TAFA4: variants seen among roughly 807,000 people sequenced by gnomAD.
TAFA4 encodes chemokine-like protein TAFA-4.
Under a neutral mutation model 21.1 loss-of-function variants are expected in TAFA4, and 20 were observed. The ratio of observed to expected loss-of-function variants is 0.95; its 90% CI spans 0.67 to 1.38. The LOEUF is 1.38. TAFA4 is among the 40% of genes most tolerant of loss of function. The pLI is 0.00. For synonymous variants in TAFA4, 71 were observed against 67.4 expected (o/e 1.05, Z -0.26); for missense variants, 211 against 180.9 (o/e 1.17, Z -0.95).
intron 1 of TAFA4, among the ~76,000 whole-genome samples, chr3:68,905,119 G>GCT (rs1267417584): frequency 1.3e-5 from 2 of 148,970 alleles, no homozygotes; most frequent in Non-Finnish European, 3.0e-5. Context: ...CACTGGGACA[G>GCT]CACAATGACC....
chr3:68,752,745 A>G, intron 4 of TAFA4, 118 bp downstream of exon 4: 2 of 1,211,820 alleles, frequency 1.7e-6, no homozygotes, highest in Non-Finnish European at 2.4e-6. Context: ...TTTTGGATTG[A>G]CACTGATCTC....
intron 1 of TAFA4, among the ~76,000 whole-genome samples, chr3:68,893,979 A>T (rs1454107789): frequency 6.6e-6 from 1 of 152,206 alleles, no homozygotes. Context: ...CCTTAAATAA[A>T]CAAAAGATAT....
Position 68,733,074 on chromosome 3 carries a change from T to A in TAFA4, c.*68A>T. 1 of 1,605,522 alleles carries A rather than the reference T, an allele frequency of 6.2e-7. No homozygotes were observed. Among genetic ancestry groups the A allele is most frequent in the Non-Finnish European group, 8.5e-7 (1 of 1,175,196 alleles). On this transcript the variant is annotated 3_prime_UTR_variant, in exon 6 of 6. Coordinates refer to ENST00000295569, the MANE Select transcript of TAFA4 (RefSeq NM_182522.5). ...ACAATTTTCTGCAAAGGGGCCATGATGGGAATCCAAGCAAAAGAGCTCCGC... is the reference window on the plus strand; with the variant it reads ...ACAATTTTCTGCAAAGGGGCCATGAAGGGAATCCAAGCAAAAGAGCTCCGC...
intron 1 of TAFA4, among the ~76,000 whole-genome samples, chr3:68,891,463 G>C (rs1369846601): frequency 1.3e-5 from 2 of 152,144 alleles, no homozygotes; most frequent in Non-Finnish European, 2.9e-5. Flanking sequence ...CTCACCATCA[G>C]TTCATCTCTG....
At chr3:68,918,041 A>C (rs2090021876) in intron 1 of TAFA4, among the ~76,000 whole-genome samples, 1 of 152,118 alleles carries the variant, frequency 6.6e-6, no homozygotes, top group Non-Finnish European at 1.5e-5. Flanking sequence ...AGATCTTTGT[A>C]GCTTTGAGTA....
intron 3 of TAFA4, among the ~76,000 whole-genome samples, chr3:68,798,312 CTAAAAATA>C (rs1703496680): frequency 6.6e-6 from 1 of 152,222 alleles, no homozygotes; most frequent in East Asian, 1.9e-4. Flanking sequence ...GTTTATAAAT[CTAAAAATA>C]TAAGTGTCTT....
chr3:68,823,284 T>TA (rs1393877528), intron 3 of TAFA4, among the ~76,000 whole-genome samples: 2 of 152,202 alleles, frequency 1.3e-5, no homozygotes, highest in Admixed American at 1.3e-4. Flanking sequence ...ATACAAGCAC[T>TA]AAAATGCAGT....
At chr3:68,907,966 T>C (rs1298502786) in intron 1 of TAFA4, among the ~76,000 whole-genome samples, 1 of 152,190 alleles carries the variant, frequency 6.6e-6, no homozygotes, top group Non-Finnish European at 1.5e-5. Flanking sequence ...TCAGCATGGA[T>C]TCGCTAAAAA....
intron 1 of TAFA4, among the ~76,000 whole-genome samples, chr3:68,917,093 C>T (rs1296406579): frequency 6.6e-6 from 1 of 152,066 alleles, no homozygotes; most frequent in Non-Finnish European, 1.5e-5. Context: ...TATAGATGGA[C>T]CACCAACAAT....
intron 3 of TAFA4, among the ~76,000 whole-genome samples, chr3:68,755,845 C>T (rs1228295984): frequency 6.6e-6 from 1 of 152,226 alleles, no homozygotes; most frequent in African/African-American, 2.4e-5. Flanking sequence ...CAGCATACCA[C>T]AGCAGAAGTG....
intron 3 of TAFA4, among the ~76,000 whole-genome samples, chr3:68,841,090 G>A (rs536871428): frequency 4.1e-5 from 3 of 73,232 alleles, no homozygotes; most frequent in East Asian, 2.6e-4. Context: ...TTGGGAGGCC[G>A]AGGCGGGCGG....
chr3:68,905,666 G>A (rs1035504892), intron 1 of TAFA4, among the ~76,000 whole-genome samples: 1 of 152,138 alleles, frequency 6.6e-6, no homozygotes, highest in African/African-American at 2.4e-5. Flanking sequence ...TGGAAGAAAA[G>A]CATTTAAGCA....
rs1702176921 is a variant in TAFA4 at position 68,733,027 on chromosome 3, TATGAAGTTGCTGAAATCCTAGACAA to T, written c.*90_*114del. ...ACCTCTCACAGCTCACATATACAAATATGAAGTTGCTGAAATCCTAGACAATTTTCTGCAAAGGGGCCATGATGGG... is the reference window on the plus strand; with the variant it reads ...ACCTCTCACAGCTCACATATACAAATTTTTCTGCAAAGGGGCCATGATGGG... On this transcript the variant is annotated 3_prime_UTR_variant, in exon 6 of 6. Transcript: ENST00000295569. The T allele has an allele frequency of 4.3e-6, 6 of 1,394,676 alleles. No individual in the cohort carries two copies. Among genetic ancestry groups the T allele is most frequent in the Non-Finnish European group, 6.0e-6 (6 of 1,000,276 alleles). 86.4% of individuals were successfully genotyped at this position (1,394,676 alleles called of 1,614,324 possible).
rs544244835 is a variant in TAFA4 at position 68,739,961 on chromosome 3, G to A, written c.287-762C>T. 3.9e-5 allele frequency among the ~76,000 whole-genome samples: 6 copies of A among 152,318 alleles called. No individual in the cohort carries two copies. The South Asian group carries it at 1.2e-3, about 32-fold the overall frequency. ...CTAAAAGCCCAGACTTCACCACTAT[G>A]TACCCTTAAATTTATACAAATATAA... On this transcript the variant is annotated intron_variant, in intron 4 of 5. Coordinates refer to ENST00000295569, the MANE Select transcript of TAFA4 (RefSeq NM_182522.5).
chr3:68,854,639 A>C (rs1215457864), intron 3 of TAFA4, among the ~76,000 whole-genome samples: 1 of 151,462 alleles, frequency 6.6e-6, no homozygotes, highest in Non-Finnish European at 1.5e-5. Context: ...TTAGCCTCTC[A>C]TTTGACTTGG....
At chr3:68,763,409 T>C (rs1354056430) in intron 3 of TAFA4, among the ~76,000 whole-genome samples, 2 of 152,186 alleles carry the variant, frequency 1.3e-5, no homozygotes, top group Admixed American at 6.5e-5. Context: ...CAAAAAGATA[T>C]AATGTATTTC....
At chr3:68,930,442 G>T (rs1384303065) in intron 1 of TAFA4, among the ~76,000 whole-genome samples, 1 of 152,168 alleles carries the variant, frequency 6.6e-6, no homozygotes, top group East Asian at 1.9e-4. Context: ...GTCAAATTGT[G>T]ACTTGAAGCC....
At chr3:68,837,522 T>C (rs1279731063) in intron 3 of TAFA4, among the ~76,000 whole-genome samples, 1 of 152,156 alleles carries the variant, frequency 6.6e-6, no homozygotes, top group Non-Finnish European at 1.5e-5. Context: ...CAGAATCACA[T>C]ATGGGGCTTT....
In TAFA4 at chr3:68,919,511, T is replaced by C. The variant is rs984648133; in HGVS notation, c.-123+12729A>G. 2.6e-5 allele frequency among the ~76,000 whole-genome samples: 4 copies of C among 152,202 alleles called. No homozygotes were observed. The East Asian group carries it at 7.7e-4, about 29-fold the overall frequency. On this transcript the variant is annotated intron_variant, in intron 1 of 5. Transcript: ENST00000295569. ...TGGCCTTACCTTTTATGATGATGCA[T>C]ACCTTGCACCAGCGCTGTCCGATCG...
Sources: gnomAD v4.1 joint callset for allele counts (sites outside exome capture counted in the v4.1 genomes callset) on GRCh38, gnomAD v4.1.1 for gene constraint, MANE v1.5 for transcripts, NCBI Gene and HGNC (gene_info 2026-07-23, HGNC 2026-07-21) for gene names.